Variants in CTDSPL2 observed in about 807,000 individuals in gnomAD.
CTDSPL2 encodes CTD small phosphatase-like protein 2.
A neutral mutation model predicts 60.0 loss-of-function variants in CTDSPL2; 5 were observed. The observed-to-expected ratio is 0.08, with a 90% confidence interval of 0.04 to 0.18. The LOEUF (loss-of-function observed/expected upper bound fraction) is 0.18, where lower values mean the gene tolerates loss of function less well. Among genes scored for constraint, CTDSPL2 ranks in the 10% least tolerant of loss-of-function variants. The pLI, the probability that CTDSPL2 is intolerant of heterozygous loss-of-function variation, is 1.00. For synonymous variants in CTDSPL2, 186 were observed against 189.3 expected (o/e 0.98, Z 0.14); for missense variants, 370 against 548.8 (o/e 0.67, Z 3.26).
intron 2 of CTDSPL2, among the ~76,000 whole-genome samples, chr15:44,466,663 G>A (rs1183763911): frequency 6.6e-6 from 1 of 152,066 alleles, no homozygotes; most frequent in East Asian, 1.9e-4. Context: ...TGTACTGATT[G>A]GCCGGGCGCG....
In CTDSPL2 at chr15:44,459,205, T is replaced by C; in HGVS notation, c.186+5T>C. 6.3e-7 allele frequency: 1 copy of C among 1,590,420 alleles called. No individual in the cohort carries two copies. The highest frequency in any genetic ancestry group is 8.6e-7 in the Non-Finnish European group (1 of 1,168,172). On this transcript the variant is annotated splice_donor_5th_base_variant and intron_variant, in intron 2 of 12. Coordinates refer to ENST00000260327, the MANE Select transcript of CTDSPL2 (RefSeq NM_016396.3). Reference sequence around the variant, plus strand: ...ATTAAAGGAAGCACACCTAAGGTAATGATTTTACCATATACTTTCATATCA... The same window carrying C: ...ATTAAAGGAAGCACACCTAAGGTAACGATTTTACCATATACTTTCATATCA...
chr15:44,526,828 C>G lies in CTDSPL2; in HGVS notation c.*2654C>G, dbSNP rs2081882870. ...GAAACATGAACTCTTAAAAAACTGACTAGTAAATGCAGGAGAGGTGGATAC... is the reference window on the plus strand; with the variant it reads ...GAAACATGAACTCTTAAAAAACTGAGTAGTAAATGCAGGAGAGGTGGATAC... On this transcript the variant is annotated 3_prime_UTR_variant, in exon 13 of 13. Transcript: ENST00000260327. 6.6e-6 allele frequency: 1 copy of G among 152,430 alleles called. No homozygotes were observed. The highest frequency in any genetic ancestry group is 1.5e-5 in the Non-Finnish European group (1 of 67,984). 9.4% of individuals were successfully genotyped at this position (152,430 alleles called of 1,614,324 possible).
intron 1 of CTDSPL2, among the ~76,000 whole-genome samples, chr15:44,444,735 T>G (rs1023686154): frequency 7.9e-5 from 12 of 151,324 alleles, no homozygotes; most frequent in Non-Finnish European, 1.5e-4. Context: ...TAAGTAGTTT[T>G]TTTTTTTTTT....
intron 8 of CTDSPL2, among the ~76,000 whole-genome samples, chr15:44,506,685 G>A (rs1466933024): frequency 6.6e-6 from 1 of 151,976 alleles, no homozygotes; most frequent in Non-Finnish European, 1.5e-5. Context: ...AAAGTGCTGA[G>A]ATTACAGATG....
chr15:44,489,131 TC>T (rs989368840), intron 4 of CTDSPL2, among the ~76,000 whole-genome samples: 4 of 143,050 alleles, frequency 2.8e-5, no homozygotes, highest in African/African-American at 7.7e-5. Flanking sequence ...ATCTGTCTCT[TC>T]CCCCCTCCCC....
chr15:44,469,721 A>G (rs919475115), intron 2 of CTDSPL2, among the ~76,000 whole-genome samples: 5 of 152,186 alleles, frequency 3.3e-5, no homozygotes, highest in Admixed American at 2.0e-4. Flanking sequence ...ATAAATATCA[A>G]TTATATCCAA....
chr15:44,447,140 T>A (rs1267345900), intron 1 of CTDSPL2, among the ~76,000 whole-genome samples: 2 of 152,214 alleles, frequency 1.3e-5, no homozygotes, highest in Non-Finnish European at 2.9e-5. Flanking sequence ...CCCTTATACT[T>A]TTTCTTTCAT....
At chr15:44,454,415 A>G (rs937344967) in intron 1 of CTDSPL2, among the ~76,000 whole-genome samples, 1 of 152,122 alleles carries the variant, frequency 6.6e-6, no homozygotes, top group Non-Finnish European at 1.5e-5. Flanking sequence ...TGCTGTGCAG[A>G]AGCTCTTTAG....
intron 1 of CTDSPL2, among the ~76,000 whole-genome samples, chr15:44,437,303 C>T (rs1020913313): frequency 6.6e-6 from 1 of 152,182 alleles, no homozygotes; most frequent in Admixed American, 6.5e-5. Flanking sequence ...GTTGAGAATT[C>T]TTCATATACA....
intron 2 of CTDSPL2, among the ~76,000 whole-genome samples, chr15:44,474,818 T>C (rs2080883210): frequency 6.6e-6 from 1 of 152,104 alleles, no homozygotes; most frequent in African/African-American, 2.4e-5. Flanking sequence ...ATCACTCCAT[T>C]GCACTCTAGC....
At chr15:44,449,571 T>G (rs1384606770) in intron 1 of CTDSPL2, among the ~76,000 whole-genome samples, 5 of 152,082 alleles carry the variant, frequency 3.3e-5, no homozygotes, top group African/African-American at 1.2e-4. Context: ...GCTCAGGCAG[T>G]CCGCCCACCT....
intron 5 of CTDSPL2, among the ~76,000 whole-genome samples, chr15:44,491,532 C>G (rs181285117): frequency 1.3e-5 from 2 of 152,114 alleles, no homozygotes; most frequent in East Asian, 3.9e-4. Flanking sequence ...ACATATGGAT[C>G]AGGAATTTCA....
At chr15:44,444,692 C>G (rs1032329905) in intron 1 of CTDSPL2, among the ~76,000 whole-genome samples, 2 of 147,544 alleles carry the variant, frequency 1.4e-5, no homozygotes, top group African/African-American at 5.0e-5. Context: ...GGTATTTGAT[C>G]AATTTTGAGT....
intron 2 of CTDSPL2, among the ~76,000 whole-genome samples, chr15:44,466,897 C>G (rs908321996): frequency 6.6e-6 from 1 of 152,094 alleles, no homozygotes. Flanking sequence ...TGAGATTGCA[C>G]CACTGCACTC....
chr15:44,443,904 A>T (rs2080145745), intron 1 of CTDSPL2, among the ~76,000 whole-genome samples: 1 of 152,144 alleles, frequency 6.6e-6, no homozygotes, highest in South Asian at 2.1e-4. Context: ...ACAAAAATTA[A>T]AAACAAAATT....
At chr15:44,448,519 C>A in intron 1 of CTDSPL2, 1 of 266,772 alleles carries the variant, frequency 3.7e-6, no homozygotes, top group Non-Finnish European at 7.4e-6. Context: ...TTCCTCTCTG[C>A]TTTGTAGTGA....
intron 8 of CTDSPL2, among the ~76,000 whole-genome samples, chr15:44,507,519 C>G (rs1418349016): frequency 6.6e-6 from 1 of 152,184 alleles, no homozygotes; most frequent in Non-Finnish European, 1.5e-5. Context: ...TTGGAATTTT[C>G]ATGAAGCAAA....
At chr15:44,488,320 C>T (rs559238548) in intron 4 of CTDSPL2, among the ~76,000 whole-genome samples, 20 of 151,816 alleles carry the variant, frequency 1.3e-4, no homozygotes, top group Non-Finnish European at 2.5e-4. Flanking sequence ...CTTGATGAGA[C>T]CTTAATTGTA....
At chr15:44,457,283 T>C (rs2080467511) in intron 1 of CTDSPL2, among the ~76,000 whole-genome samples, 1 of 152,236 alleles carries the variant, frequency 6.6e-6, no homozygotes, top group African/African-American at 2.4e-5. Flanking sequence ...TGTTTTAGTA[T>C]AGCCACCTTC....
Sources: gnomAD v4.1 joint callset for allele counts (sites outside exome capture counted in the v4.1 genomes callset) on GRCh38, gnomAD v4.1.1 for gene constraint, MANE v1.5 for transcripts, NCBI Gene and HGNC (gene_info 2026-07-23, HGNC 2026-07-21) for gene names.